ACSL3: variants seen among roughly 807,000 people sequenced by gnomAD.
ACSL3 encodes the protein acyl-CoA synthetase long chain family member 3.
ACSL3 carries 34 observed loss-of-function variants against 84.7 expected under a neutral mutation model. The observed-to-expected ratio is 0.40, with a 90% CI of 0.31 to 0.53. ACSL3 has a LOEUF of 0.53. ACSL3 is among the 20% of genes least tolerant of loss of function. ACSL3 has a pLI of 0.48. For missense variants in ACSL3, 680 were observed against 873.1 expected, an observed-to-expected ratio of 0.78 and a Z score of 2.79; for synonymous variants, 315 against 299.4, an observed-to-expected ratio of 1.05 and a Z score of -0.54.
At chr2:222,904,361 C>T (rs1159538046) in intron 3 of ACSL3, among the ~76,000 whole-genome samples, 1 of 152,094 alleles carries the variant, frequency 6.6e-6, no homozygotes, top group South Asian at 2.1e-4. Context: ...CCATTTCAAC[C>T]TTGGAGGCAG....
In ACSL3 at chr2:222,943,369, G is replaced by C. The variant is rs1559309258; in HGVS notation, c.*1715G>C. On this transcript the variant is annotated 3_prime_UTR_variant, in exon 17 of 17. Coordinates refer to ENST00000357430, the MANE Select transcript of ACSL3 (RefSeq NM_004457.5). The stretch of plus-strand genomic sequence containing the variant: ...AATGGAACTTCTATATGAGGATGCT[G>C]TGATCTAAAAATTAAATCTCAGTGG... The C allele has an allele frequency of 2.2e-5, 4 of 184,702 alleles. No homozygotes were observed. In the East Asian group the frequency reaches 3.5e-4, roughly 16 times the overall value. The allele number at this position is 184,702 out of a possible 1,614,324, so 11.4% of individuals were successfully genotyped here. A position where few individuals can be genotyped will look rare whatever the true frequency, so the allele number is the denominator to read the frequency against.
intron 11 of ACSL3, among the ~76,000 whole-genome samples, chr2:222,926,530 TTAC>T (rs1696877189): frequency 6.6e-6 from 1 of 152,172 alleles, no homozygotes; most frequent in Non-Finnish European, 1.5e-5. Context: ...CACAGATAAT[TTAC>T]TAGATTATTT....
At chr2:222,899,816 C>A (rs1042391502) in intron 2 of ACSL3, among the ~76,000 whole-genome samples, 27 of 152,114 alleles carry the variant, frequency 1.8e-4, no homozygotes, top group African/African-American at 6.3e-4. Flanking sequence ...TCAATGTTAT[C>A]TTTAAAGCAA....
intron 1 of ACSL3, among the ~76,000 whole-genome samples, chr2:222,870,991 G>T (rs1438806110): frequency 6.6e-6 from 1 of 152,174 alleles, no homozygotes; most frequent in Admixed American, 6.5e-5. Flanking sequence ...AGGAGGGGGA[G>T]AGGGGACTAG....
chr2:222,919,170 C>T lies in ACSL3; in HGVS notation c.773C>T (p.Ala258Val). The T allele has an allele frequency of 6.2e-7, 1 of 1,614,126 alleles. No individual in the cohort carries two copies. Among genetic ancestry groups the T allele is most frequent in the Non-Finnish European group, 8.5e-7 (1 of 1,179,988 alleles). The part of the protein sequence containing the change: ...PKGIIVHTMA[A>V]VEALGAKASM... ...GGCATCATTGTGCATACCATGGCTG[C>T]AGTGGAGGCCCTGGGAGCCAAGGCC... The change falls in exon 7 of 17, where the codon GCA becomes GTA. Residue 258 changes from alanine (A) to valine (V), a missense_variant. This residue lies in a region of ACSL3 where 333 missense variants were observed against 347.5 expected (regional missense o/e 0.96). Transcript: ENST00000357430.
At chr2:222,912,467 T>G (rs1411461536) in intron 4 of ACSL3, among the ~76,000 whole-genome samples, 1 of 152,230 alleles carries the variant, frequency 6.6e-6, no homozygotes, top group Non-Finnish European at 1.5e-5. Flanking sequence ...CTCAGTGAAG[T>G]GTGTCTTCAT....
In ACSL3 at chr2:222,915,931, C is replaced by T. The variant is rs531883923; in HGVS notation, c.379-388C>T. Among the ~76,000 whole-genome samples the T allele has an allele frequency of 1.1e-4, 16 of 152,172 alleles. No homozygotes were observed. In the South Asian group the frequency reaches 2.9e-3, roughly 28 times the overall value. On this transcript the variant is annotated intron_variant, in intron 4 of 16. Transcript: ENST00000357430. ...AGAGAAATTAAAATTTTGGCATCTG[C>T]GGTACTTGGTACTAGGCTAAATATT... is the stretch of plus-strand genomic sequence containing the variant.
intron 1 of ACSL3, among the ~76,000 whole-genome samples, chr2:222,874,232 C>T (rs1695385232): frequency 6.6e-6 from 1 of 152,130 alleles, no homozygotes; most frequent in Non-Finnish European, 1.5e-5. Flanking sequence ...ACTATGTTGG[C>T]CAGACTGGTC....
chr2:222,890,955 A>T (rs1272299972), intron 2 of ACSL3, among the ~76,000 whole-genome samples: 3 of 152,214 alleles, frequency 2.0e-5, no homozygotes, highest in Non-Finnish European at 4.4e-5. Context: ...AAAGAGGTAT[A>T]TTTAAAAGTG....
chr2:222,881,317 C>T lies in ACSL3; in HGVS notation c.-206-6513C>T, dbSNP rs181264451. On this transcript the variant is annotated intron_variant, in intron 1 of 16. Coordinates refer to ENST00000357430, the MANE Select transcript of ACSL3 (RefSeq NM_004457.5). The stretch of plus-strand genomic sequence containing the variant: ...GGTGTGCAGTGGCACTTGCGGTTAC[C>T]GCATTGGACAGCATAGAGTTAGAGC... Among the ~76,000 whole-genome samples, 9 of 152,316 alleles carry T rather than the reference C, an allele frequency of 5.9e-5. No individual in the cohort carries two copies. The East Asian group carries it at 7.7e-4, about 13-fold the overall frequency.
chr2:222,898,053 G>GT (rs1161421550), intron 2 of ACSL3, among the ~76,000 whole-genome samples: 1 of 152,180 alleles, frequency 6.6e-6, no homozygotes, highest in Non-Finnish European at 1.5e-5. Flanking sequence ...CTCTTTTCAA[G>GT]TTTAAGGTCA....
intron 2 of ACSL3, among the ~76,000 whole-genome samples, chr2:222,889,640 A>G (rs1406537408): frequency 1.3e-5 from 2 of 152,252 alleles, no homozygotes; most frequent in Non-Finnish European, 2.9e-5. Context: ...TGTATGTGAA[A>G]GTGACCTAGA....
At chr2:222,861,444 G>A (rs2106074344) in intron 1 of ACSL3, 186 bp downstream of exon 1, 2 of 152,220 alleles carry the variant, frequency 1.3e-5, no homozygotes, top group Middle Eastern at 3.4e-3. Flanking sequence ...GAGCAGGGTG[G>A]GAGGCGGCCC....
intron 1 of ACSL3, among the ~76,000 whole-genome samples, chr2:222,869,011 T>C (rs1480306934): frequency 6.6e-6 from 1 of 152,182 alleles, no homozygotes; most frequent in Non-Finnish European, 1.5e-5. Flanking sequence ...TTTCAATTTT[T>C]TTGAAATACG....
chr2:222,916,621 GT>G lies in ACSL3; in HGVS notation c.556+127del, dbSNP rs1007602321. The G allele has an allele frequency of 2.7e-5, 30 of 1,100,408 alleles. No homozygotes were observed. The African/African-American group carries it at 4.7e-4, about 17-fold the overall frequency. The allele number at this position is 1,100,408 out of a possible 1,614,324, so 68.2% of individuals were successfully genotyped here. ...CAGTGTCCAGTTAGTGGAGAACTCTGTTGTGACTTGGAATTTTTGGTTTATT... is the reference window on the plus strand; with the variant it reads ...CAGTGTCCAGTTAGTGGAGAACTCTGTGTGACTTGGAATTTTTGGTTTATT... On this transcript the variant is annotated intron_variant, in intron 5 of 16. Transcript: ENST00000357430.
At chr2:222,862,920 A>G (rs1420947354) in intron 1 of ACSL3, among the ~76,000 whole-genome samples, 16 of 152,196 alleles carry the variant, frequency 1.1e-4, no homozygotes, top group Non-Finnish European at 7.3e-5. Flanking sequence ...TGAAGAACGC[A>G]CAAATTATAA....
intron 1 of ACSL3, among the ~76,000 whole-genome samples, chr2:222,862,128 A>T (rs144341875): frequency 2.6e-5 from 4 of 152,376 alleles, no homozygotes; most frequent in Non-Finnish European, 5.9e-5. Context: ...ATTATAGCTG[A>T]AAAGAATGAC....
intron 1 of ACSL3, among the ~76,000 whole-genome samples, chr2:222,875,122 T>A (rs557538014): frequency 6.6e-6 from 1 of 152,312 alleles, no homozygotes; most frequent in Admixed American, 6.5e-5. Flanking sequence ...TACAAAGTGA[T>A]CAGAACAGTG....
intron 13 of ACSL3, among the ~76,000 whole-genome samples, chr2:222,930,349 A>G (rs1306652530): frequency 6.6e-6 from 1 of 152,184 alleles, no homozygotes; most frequent in African/African-American, 2.4e-5. Context: ...TCTTGTATTT[A>G]TAATTTTATA....
Sources: allele counts gnomAD v4.1 joint callset (sites outside exome capture counted in the v4.1 genomes callset), GRCh38; gene constraint gnomAD v4.1.1; regional missense constraint gnomAD v4.1.1; transcripts MANE v1.5; gene names NCBI Gene and HGNC (gene_info 2026-07-23, HGNC 2026-07-21).